Variants in TDRD3 observed in about 807,000 individuals in gnomAD.
The protein encoded by TDRD3 is tudor domain containing 3, also known as tudor domain-containing protein 3.
Under a neutral mutation model 86.7 loss-of-function variants are expected in TDRD3, and 45 were observed. The ratio of observed to expected loss-of-function variants is 0.52; its 90% CI spans 0.41 to 0.67. TDRD3 has a LOEUF of 0.67. Ranked by LOEUF, TDRD3 falls within the 30% of genes least tolerant of loss-of-function variation. The pLI is 0.00. For missense variants in TDRD3, 814 were observed against 889.0 expected (o/e 0.92, Z 1.07); for synonymous variants, 298 against 301.7 (o/e 0.99, Z 0.13).
At chr13:60,478,880 T>G in intron 5 of TDRD3, among the ~76,000 whole-genome samples, 1 of 149,900 alleles carries the variant, frequency 6.7e-6, no homozygotes, top group African/African-American at 2.5e-5. Flanking sequence ...CTTGGCTCAC[T>G]GCAACCTCTG....
chr13:60,431,850 CATTAAG>C (rs1364699532), intron 1 of TDRD3, among the ~76,000 whole-genome samples: 1 of 151,456 alleles, frequency 6.6e-6, no homozygotes, highest in African/African-American at 2.4e-5. Context: ...TAGTTTACTA[CATTAAG>C]ATTAACACTA....
intron 8 of TDRD3, among the ~76,000 whole-genome samples, chr13:60,497,304 T>C (rs529088327): frequency 3.6e-4 from 54 of 152,088 alleles, no homozygotes; most frequent in African/African-American, 1.2e-3. Flanking sequence ...CCAAAGGGGG[T>C]TGTCATTGCC....
At chr13:60,543,493 A>T (rs1252082978) in intron 12 of TDRD3, among the ~76,000 whole-genome samples, 2 of 152,136 alleles carry the variant, frequency 1.3e-5, no homozygotes, top group East Asian at 1.9e-4. Flanking sequence ...TTCTCATGGA[A>T]TTTTTTTTCC....
chr13:60,420,486 T>C (rs1249740241), intron 1 of TDRD3, among the ~76,000 whole-genome samples: 1 of 152,164 alleles, frequency 6.6e-6, no homozygotes, highest in South Asian at 2.1e-4. Context: ...AGAAGCTGTA[T>C]GATATGGGTT....
intron 8 of TDRD3, among the ~76,000 whole-genome samples, chr13:60,504,835 G>C (rs1956901628): frequency 6.6e-6 from 1 of 152,146 alleles, no homozygotes; most frequent in South Asian, 2.1e-4. Context: ...AAGCACAAGG[G>C]GTCGGGGAAC....
chr13:60,565,570 T>G (rs889624704), intron 12 of TDRD3, among the ~76,000 whole-genome samples: 27 of 151,846 alleles, frequency 1.8e-4, no homozygotes, highest in African/African-American at 6.5e-4. Context: ...ATCCAGCTCA[T>G]TCTCTCAGCA....
intron 9 of TDRD3, among the ~76,000 whole-genome samples, chr13:60,510,171 A>G (rs2137658968): frequency 6.6e-6 from 1 of 152,308 alleles, no homozygotes; most frequent in African/African-American, 2.4e-5. Context: ...TTATTTAACA[A>G]GGTTGTTATG....
At chr13:60,527,880 A>C (rs1032002518) in intron 10 of TDRD3, among the ~76,000 whole-genome samples, 3 of 152,190 alleles carry the variant, frequency 2.0e-5, no homozygotes, top group Non-Finnish European at 4.4e-5. Flanking sequence ...ACACTTAGCA[A>C]TTCCAGATCC....
intron 5 of TDRD3, among the ~76,000 whole-genome samples, chr13:60,472,292 CT>C (rs1956089870): frequency 6.6e-6 from 1 of 152,126 alleles, no homozygotes; most frequent in African/African-American, 2.4e-5. Context: ...TGATAGATTA[CT>C]TTTTTCCTAA....
intron 8 of TDRD3, among the ~76,000 whole-genome samples, chr13:60,507,330 T>G (rs1392013772): frequency 3.9e-5 from 6 of 152,138 alleles, no homozygotes; most frequent in African/African-American, 1.4e-4. Flanking sequence ...TGAACTCAGC[T>G]CTGGACCAAG....
intron 4 of TDRD3, among the ~76,000 whole-genome samples, chr13:60,463,359 G>A (rs1265878052): frequency 9.5e-5 from 10 of 105,230 alleles, no homozygotes; most frequent in African/African-American, 3.0e-4. Flanking sequence ...CAAAATTCTG[G>A]CTCAAAAAAA....
chr13:60,474,219 G>T (rs895405379), intron 5 of TDRD3, among the ~76,000 whole-genome samples: 13 of 152,168 alleles, frequency 8.5e-5, no homozygotes, highest in Non-Finnish European at 1.9e-4. Context: ...AACAGGGAAG[G>T]GCCCCTCTGG....
intron 12 of TDRD3, among the ~76,000 whole-genome samples, chr13:60,563,496 T>C (rs1287297037): frequency 6.6e-6 from 1 of 152,202 alleles, no homozygotes; most frequent in Admixed American, 6.5e-5. Context: ...CTAGGGTTTC[T>C]CAACTTCAAC....
Position 60,485,870 on chromosome 13 carries a change from T to C in TDRD3, c.639T>C (p.Pro213=). ...GAAAAACATTGCAAGTTACAATGCC[T>C]GTCAAACCTACAAATGATAATGATG... ...DRRKTLQVTM[P]VKPTNDNDEF... The change falls in exon 7 of 14, where the codon CCT becomes CCC. Residue 213 remains proline (P), a synonymous_variant. Coordinates refer to ENST00000377881, the MANE Select transcript of TDRD3 (RefSeq NM_001146070.2). 1.2e-6 allele frequency: 2 copies of C among 1,611,132 alleles called. No individual in the cohort carries two copies. Among genetic ancestry groups the C allele is most frequent in the Non-Finnish European group, 8.5e-7 (1 of 1,178,730 alleles).
At chr13:60,432,250 G>T (rs1156502054) in intron 1 of TDRD3, among the ~76,000 whole-genome samples, 1 of 151,940 alleles carries the variant, frequency 6.6e-6, no homozygotes, top group Non-Finnish European at 1.5e-5. Flanking sequence ...CTAACTGCTG[G>T]TGTTCCATTT....
chr13:60,396,940 A>T (rs572711639), upstream of TDRD3: 2 of 155,068 alleles, frequency 1.3e-5, no homozygotes, highest in Non-Finnish European at 2.9e-5. Flanking sequence ...GCCCTCTCTG[A>T]GGTGGCCGCC....
chr13:60,520,530 A>G (rs1043273305), intron 10 of TDRD3, among the ~76,000 whole-genome samples: 15 of 152,102 alleles, frequency 9.9e-5, no homozygotes, highest in African/African-American at 3.1e-4. Context: ...TTTTCCCTCT[A>G]CATTGCTGTA....
intron 12 of TDRD3, among the ~76,000 whole-genome samples, chr13:60,539,516 A>G (rs1323212901): frequency 6.6e-6 from 1 of 151,804 alleles, no homozygotes; most frequent in African/African-American, 2.4e-5. Context: ...AAAAGTTCTT[A>G]TATATTTTAT....
chr13:60,544,180 G>A (rs1280923730), intron 12 of TDRD3, among the ~76,000 whole-genome samples: 1 of 151,654 alleles, frequency 6.6e-6, no homozygotes, highest in African/African-American at 2.4e-5. Flanking sequence ...TGGGCATGGT[G>A]GCTCATGCCT....
Sources: allele counts gnomAD v4.1 joint callset (sites outside exome capture counted in the v4.1 genomes callset), GRCh38; gene constraint gnomAD v4.1.1; transcripts MANE v1.5; gene names NCBI Gene and HGNC (gene_info 2026-07-23, HGNC 2026-07-21).